IL16: variants seen among roughly 807,000 people sequenced by gnomAD.
IL16 encodes the protein interleukin 16.
Under a neutral mutation model 110.1 loss-of-function variants are expected in IL16, and 67 were observed. The observed-to-expected ratio is 0.61, with a 90% CI of 0.50 to 0.75. IL16 has a LOEUF of 0.75. Among genes scored for constraint, IL16 ranks in the 30% least tolerant of loss-of-function variants. IL16 has a pLI of 0.00. For synonymous variants in IL16, 689 were observed against 662.9 expected (o/e 1.04, Z -0.61); for missense variants, 1,545 against 1,655.0 (o/e 0.93, Z 1.15).
In IL16 at chr15:81,248,111, G is replaced by T. The variant is rs1258723554; in HGVS notation, c.313-11661G>T. On this transcript the variant is annotated intron_variant, in intron 2 of 18. Coordinates refer to ENST00000683961, the MANE Select transcript of IL16 (RefSeq NM_172217.5). ...TTATAAGGTGCGAACATTTAGAATT[G>T]TTATATATTCTTTATGATTGAAAGC... Among the ~76,000 whole-genome samples, 7 of 152,212 alleles carry T rather than the reference G, an allele frequency of 4.6e-5. No individual in the cohort carries two copies. In the South Asian group the frequency reaches 1.5e-3, roughly 32 times the overall value.
chr15:81,215,444 G>A (rs958548104), intron 1 of IL16, among the ~76,000 whole-genome samples: 23 of 152,208 alleles, frequency 1.5e-4, no homozygotes, highest in African/African-American at 5.3e-4. Flanking sequence ...GTGGAAGAGT[G>A]ATGGCCAATA....
Position 81,299,604 on chromosome 15 carries a change from A to C in IL16, c.2278A>C (p.Lys760Gln). 6.2e-7 allele frequency: 1 copy of C among 1,614,174 alleles called. No individual in the cohort carries two copies. Among genetic ancestry groups the C allele is most frequent in the Non-Finnish European group, 8.5e-7 (1 of 1,180,024 alleles). ...TQGHPDGTPP[K>Q]LDTANGTPKV... is the part of the protein sequence containing the mutation. ...GGGCCACCCAGATGGGACCCCACCA[A>C]AGCTGGACACCGCCAATGGCACTCC... is the stretch of plus-strand genomic sequence containing the variant. The change falls in exon 14 of 19, where the codon AAG becomes CAG. Residue 760 changes from lysine (K) to glutamine (Q), a missense_variant. Physicochemically the swap from Lys to Gln is moderately conservative, Grantham distance 53. Around this residue, in one of 3 missense-constraint regions of IL16, gnomAD observed 1,185 missense variants for 1,238.8 expected, o/e 0.96. Coordinates refer to ENST00000683961, the MANE Select transcript of IL16 (RefSeq NM_172217.5).
At chr15:81,182,950 G>A in intron 1 of IL16, 4 of 1,137,468 alleles carry the variant, frequency 3.5e-6, no homozygotes, top group Non-Finnish European at 3.5e-6. Context: ...TTGGAATGGA[G>A]GGGTGGACCC....
At chr15:81,225,062 A>G (rs1896741027) in intron 1 of IL16, among the ~76,000 whole-genome samples, 1 of 152,140 alleles carries the variant, frequency 6.6e-6, no homozygotes, top group African/African-American at 2.4e-5. Flanking sequence ...CTATAGAATG[A>G]GAAGCTCTGG....
At chr15:81,213,202 AG>A (rs1226246865) in intron 1 of IL16, among the ~76,000 whole-genome samples, 2 of 152,080 alleles carry the variant, frequency 1.3e-5, no homozygotes, top group Non-Finnish European at 2.9e-5. Flanking sequence ...GTTTTGAGAA[AG>A]CTTCTTGATA....
At position 81,314,017 on chromosome 15, in the gene IL16, TA is replaced by T. The variant is rs1045452780; in HGVS notation, c.*5226del. On this transcript the variant is annotated 3_prime_UTR_variant, in exon 19 of 19. Transcript: ENST00000683961. Reference sequence around the variant, plus strand: ...ACTCTTTTCACAGTATTTTTTGTTTTAAAAAAATAGTTTTTTAAAATAAAAA... The same window carrying T: ...ACTCTTTTCACAGTATTTTTTGTTTTAAAAAATAGTTTTTTAAAATAAAAA... The T allele has an allele frequency of 6.6e-5, 10 of 152,184 alleles. No homozygotes were observed. Among genetic ancestry groups the T allele is most frequent in the Admixed American group, 1.3e-4 (2 of 15,274 alleles). The allele number at this position is 152,184 out of a possible 1,614,324, so 9.4% of individuals were successfully genotyped here. A position where few individuals can be genotyped will look rare whatever the true frequency, so the allele number is the denominator to read the frequency against.
chr15:81,273,223 T>A lies in IL16; in HGVS notation c.790+19T>A. On this transcript the variant is annotated intron_variant, in intron 6 of 18. Transcript: ENST00000683961. ...CAGGAAGGTAGGCTTCCCAGCCCTTTTCAGACCATGGTGGAGGAATCAGAA... is the reference window on the plus strand; with the variant it reads ...CAGGAAGGTAGGCTTCCCAGCCCTTATCAGACCATGGTGGAGGAATCAGAA... The A allele has an allele frequency of 6.5e-7, 1 of 1,548,500 alleles. No individual in the cohort carries two copies. Among genetic ancestry groups the A allele is most frequent in the Non-Finnish European group, 8.9e-7 (1 of 1,127,822 alleles).
At chr15:81,273,058 C>A in intron 5 of IL16, 32 bp from the exon 6 acceptor site, 1 of 1,543,588 alleles carries the variant, frequency 6.5e-7, no homozygotes, top group Non-Finnish European at 8.9e-7. Context: ...GGAATACTAC[C>A]CCTAAATCAG....
chr15:81,245,723 G>GTTTTT (rs1897517097), intron 2 of IL16, among the ~76,000 whole-genome samples: 17 of 78,638 alleles, frequency 2.2e-4, no homozygotes, highest in African/African-American at 3.6e-4. Flanking sequence ...TTTTGTTTTG[G>GTTTTT]CTTTTTTTTT....
chr15:81,184,361 G>T (rs959548371), intron 1 of IL16, among the ~76,000 whole-genome samples: 28 of 152,344 alleles, frequency 1.8e-4, no homozygotes, highest in African/African-American at 6.7e-4. Context: ...CAACACCAGC[G>T]TGGGGTGAGG....
intron 2 of IL16, among the ~76,000 whole-genome samples, chr15:81,240,474 G>A (rs1897305595): frequency 6.6e-6 from 1 of 151,666 alleles, no homozygotes; most frequent in Admixed American, 6.6e-5. Flanking sequence ...CCTTCCATCA[G>A]CAGGTGTAAG....
Position 81,182,922 on chromosome 15 carries a change from C to G in IL16, c.40+26C>G, listed in dbSNP as rs1481051966. The stretch of plus-strand genomic sequence containing the variant: ...GTGAGTGGAGCTCCTTCTCCTATCC[C>G]AGGGGACTCAGGGGAGGTTGGAATG... On this transcript the variant is annotated intron_variant, in intron 1 of 18. Coordinates refer to the IL16 transcript ENST00000302987. 7 of 1,272,434 alleles carry G rather than the reference C, an allele frequency of 5.5e-6. No homozygotes were observed. In the East Asian group the frequency reaches 3.9e-4, roughly 71 times the overall value. 78.8% of individuals were successfully genotyped at this position (1,272,434 alleles called of 1,614,324 possible). A position where few individuals can be genotyped will look rare whatever the true frequency, so the allele number is the denominator to read the frequency against.
exon 1 of IL16, chr15:81,182,867 A>T: frequency 7.8e-7 from 1 of 1,289,500 alleles, no homozygotes; most frequent in Non-Finnish European, 1.0e-6. Context: ...ATGAGTTTGC[A>T]GAAGAGAGTC....
At position 81,219,711 on chromosome 15, in the gene IL16, C is replaced by T. The variant is rs185402745; in HGVS notation, c.-101-5588C>T. ...TGTCTTCTGCTCTGAGGTCAGCCCA[C>T]TGTGGCTCCTTGTCACTCTGATGTT... is the stretch of plus-strand genomic sequence containing the variant. On this transcript the variant is annotated intron_variant, in intron 1 of 18. Transcript: ENST00000683961. Among the ~76,000 whole-genome samples, 4 of 152,334 alleles carry T rather than the reference C, an allele frequency of 2.6e-5. 1 individual carries two copies. In the South Asian group the frequency reaches 8.3e-4, roughly 32 times the overall value.
In IL16 at chr15:81,301,385, C is replaced by G; in HGVS notation, c.3191C>G (p.Ala1064Gly). 1 of 1,613,808 alleles carries G rather than the reference C, an allele frequency of 6.2e-7. No individual in the cohort carries two copies. Among genetic ancestry groups the G allele is most frequent in the Non-Finnish European group, 8.5e-7 (1 of 1,179,906 alleles). Residue 1064 changes from alanine to glycine, a missense_variant, in exon 15 of 19, where the codon GCC becomes GGC. Ala to Gly is a moderately conservative substitution (Grantham distance 60). Coordinates refer to ENST00000683961, the MANE Select transcript of IL16 (RefSeq NM_172217.5). ...LREYTEGLTE[A>G]KEDDDGDHSS... ...GAATATACAGAGGGTCTCACGGAAGCCAAGGAAGACGATGATGGGGACCAC... is the reference window on the plus strand; with the variant it reads ...GAATATACAGAGGGTCTCACGGAAGGCAAGGAAGACGATGATGGGGACCAC...
rs990229849 is a variant in IL16, at chr15:81,310,925, AC to A, written c.*2129del. On this transcript the variant is annotated 3_prime_UTR_variant, in exon 19 of 19. Coordinates refer to ENST00000683961, the MANE Select transcript of IL16 (RefSeq NM_172217.5). ...CAGGTGAGCCCATGGCCCTCCCAGT[AC>A]CTCCTGTCTCTGGCCTGTTTTAGAA... The A allele has an allele frequency of 3.9e-5, 6 of 152,124 alleles. No homozygotes were observed. The highest frequency in any genetic ancestry group is 1.2e-4 in the African/African-American group (5 of 41,390). 9.4% of individuals were successfully genotyped at this position (152,124 alleles called of 1,614,324 possible).
chr15:81,309,083 A>C lies in IL16; in HGVS notation c.*285A>C, dbSNP rs79302345. ...GTGCCACAAATAAAATGGATTTATT[A>C]GAATTTCATATGACATTCATGCCTG... On this transcript the variant is annotated 3_prime_UTR_variant, in exon 19 of 19. Coordinates refer to ENST00000683961, the MANE Select transcript of IL16 (RefSeq NM_172217.5). 3.6e-3 allele frequency: 1,222 copies of C among 339,442 alleles called. 18 individuals carry two copies. The highest frequency in any genetic ancestry group is 0.024 in the African/African-American group (1,113 of 47,180). The allele number at this position is 339,442 out of a possible 1,614,324, so 21.0% of individuals were successfully genotyped here.
chr15:81,277,301 CA>C (rs1567032049), intron 6 of IL16, among the ~76,000 whole-genome samples: 1 of 152,148 alleles, frequency 6.6e-6, no homozygotes, highest in East Asian at 1.9e-4. Flanking sequence ...AGATAGTATG[CA>C]AAAAGATAGT....
chr15:81,231,245 C>T (rs1341602324), intron 2 of IL16, among the ~76,000 whole-genome samples: 6 of 148,416 alleles, frequency 4.0e-5, no homozygotes, highest in East Asian at 4.0e-4. Flanking sequence ...GGCAAGCAGG[C>T]GGGCAGGAAA....
Sources: allele counts gnomAD v4.1 joint callset (sites outside exome capture counted in the v4.1 genomes callset), GRCh38; gene constraint gnomAD v4.1.1; regional missense constraint gnomAD v4.1.1; transcripts MANE v1.5; gene names NCBI Gene and HGNC (gene_info 2026-07-23, HGNC 2026-07-21).